The following FTCDNL1 variants were observed in gnomAD, a reference collection of about 807,000 sequenced individuals.
FTCDNL1 encodes the protein formiminotransferase cyclodeaminase N-terminal like.
A neutral mutation model predicts 5.9 loss-of-function variants in FTCDNL1; 11 were observed. That is an observed-to-expected ratio of 1.87 (90% CI 1.18 to 3.10). The LOEUF (loss-of-function observed/expected upper bound fraction) is 3.10, where lower values mean the gene tolerates loss of function less well. Ranked by LOEUF, FTCDNL1 falls within the 30% of genes most tolerant of loss-of-function variation. The pLI is 0.00. For synonymous variants in FTCDNL1, 58 were observed against 24.8 expected (o/e 2.34, Z -3.99); for missense variants, 115 against 65.5 (o/e 1.76, Z -2.61).
At chr2:199,758,415 A>T (rs1472941865), downstream of FTCDNL1, among the ~76,000 whole-genome samples, 1 of 151,566 alleles carries the variant, frequency 6.6e-6, no homozygotes. Flanking sequence ...GATAAAACTC[A>T]TTAGTGGTCA....
chr2:199,731,771 C>G, the FTCDNL1 span, among the ~76,000 whole-genome samples: 1 of 151,414 alleles, frequency 6.6e-6, no homozygotes, highest in East Asian at 1.9e-4. Flanking sequence ...GCCTGTAGTC[C>G]CAGCTACTTG....
At chr2:199,698,602 G>A in the FTCDNL1 span, among the ~76,000 whole-genome samples, 1 of 152,178 alleles carries the variant, frequency 6.6e-6, no homozygotes, top group Non-Finnish European at 1.5e-5. Flanking sequence ...CAACATACCA[G>A]AATCTCTGGG....
At chr2:199,783,982 A>G (rs1699505854) in intron 3 of FTCDNL1, among the ~76,000 whole-genome samples, 1 of 152,156 alleles carries the variant, frequency 6.6e-6, no homozygotes, top group Admixed American at 6.5e-5. Context: ...ATCATTCCAC[A>G]TGTCCCTATT....
At chr2:199,691,265 C>T in the FTCDNL1 span, among the ~76,000 whole-genome samples, 36 of 152,268 alleles carry the variant, frequency 2.4e-4, no homozygotes, top group African/African-American at 6.7e-4. Context: ...CTCCGCCTCC[C>T]GGGTTCAAGT....
At chr2:199,727,580 C>T in the FTCDNL1 span, among the ~76,000 whole-genome samples, 6 of 152,270 alleles carry the variant, frequency 3.9e-5, no homozygotes, top group South Asian at 6.2e-4. Flanking sequence ...CCTCACTTTC[C>T]GTGGGTTGTG....
chr2:199,735,065 G>A, the FTCDNL1 span, among the ~76,000 whole-genome samples: 1 of 125,320 alleles, frequency 8.0e-6, no homozygotes, highest in Non-Finnish European at 1.6e-5. Context: ...CAGAAGACGA[G>A]AATGTTCTTA....
the FTCDNL1 span, among the ~76,000 whole-genome samples, chr2:199,722,260 GT>G: frequency 2.0e-5 from 3 of 152,152 alleles, no homozygotes; most frequent in African/African-American, 7.2e-5. Flanking sequence ...ATAGTTTTGG[GT>G]TTTACATTTA....
chr2:199,774,667 G>T (rs1698974423), intron 3 of FTCDNL1, among the ~76,000 whole-genome samples: 2 of 152,028 alleles, frequency 1.3e-5, no homozygotes, highest in African/African-American at 4.8e-5. Context: ...TCTCAACCAG[G>T]GCATGGCCTT....
the FTCDNL1 span, among the ~76,000 whole-genome samples, chr2:199,737,990 G>T: frequency 2.6e-5 from 4 of 152,198 alleles, no homozygotes; most frequent in African/African-American, 4.8e-5. Context: ...GCTGCCTCAC[G>T]GCACAGGCTC....
At chr2:199,787,586 C>T (rs371766973) in intron 3 of FTCDNL1, among the ~76,000 whole-genome samples, 24 of 152,288 alleles carry the variant, frequency 1.6e-4, no homozygotes, top group African/African-American at 5.3e-4. Context: ...CTACCTACCA[C>T]ATACATGCAA....
chr2:199,843,894 C>G (rs1003102795), intron 3 of FTCDNL1, among the ~76,000 whole-genome samples: 1 of 151,482 alleles, frequency 6.6e-6, no homozygotes, highest in Non-Finnish European at 1.5e-5. Flanking sequence ...GGGCTGAAAT[C>G]ATTCAAGTGG....
chr2:199,678,029 C>A, the FTCDNL1 span, among the ~76,000 whole-genome samples: 176 of 152,276 alleles, frequency 1.2e-3, 3 homozygotes, highest in Non-Finnish European at 8.5e-4. Context: ...TCTAAAGGAA[C>A]TCCTAGGCAT....
the FTCDNL1 span, among the ~76,000 whole-genome samples, chr2:199,714,837 C>T: frequency 6.6e-6 from 1 of 150,412 alleles, no homozygotes; most frequent in African/African-American, 2.5e-5. Flanking sequence ...AGCAAACTAC[C>T]GCAAGGAAAA....
At chr2:199,688,655 C>G in the FTCDNL1 span, among the ~76,000 whole-genome samples, 1 of 152,154 alleles carries the variant, frequency 6.6e-6, no homozygotes, top group Non-Finnish European at 1.5e-5. Flanking sequence ...CCTTAGGGCT[C>G]AACATCCCAG....
intron 3 of FTCDNL1, among the ~76,000 whole-genome samples, chr2:199,771,481 C>T (rs758261942): frequency 1.6e-4 from 25 of 152,236 alleles, no homozygotes; most frequent in Non-Finnish European, 2.5e-4. Context: ...GTTCTTTGAA[C>T]AAGAATTCAT....
At chr2:199,786,534 G>A (rs887699802) in intron 3 of FTCDNL1, among the ~76,000 whole-genome samples, 2 of 152,054 alleles carry the variant, frequency 1.3e-5, no homozygotes, top group African/African-American at 4.8e-5. Flanking sequence ...AATTACTTCA[G>A]ATATTAAAAT....
At chr2:199,806,831 A>AG (rs1700749915), downstream of FTCDNL1, among the ~76,000 whole-genome samples, 1 of 152,196 alleles carries the variant, frequency 6.6e-6, no homozygotes, top group African/African-American at 2.4e-5. Flanking sequence ...CTCTTTTAAG[A>AG]AACTAAAAGT....
intron 3 of FTCDNL1, among the ~76,000 whole-genome samples, chr2:199,780,532 A>G (rs1399980901): frequency 6.6e-6 from 1 of 152,134 alleles, no homozygotes; most frequent in African/African-American, 2.4e-5. Flanking sequence ...AGAGGGATGA[A>G]TTGCCATGCT....
At chr2:199,812,856 G>C (rs1187695117) in intron 4 of FTCDNL1, 132 bp from the exon 5 acceptor site, 3 of 586,078 alleles carry the variant, frequency 5.1e-6, no homozygotes, top group Non-Finnish European at 6.0e-6. Flanking sequence ...AAGAAACTGA[G>C]ATTCAGTCGC....
Sources: allele counts gnomAD v4.1 joint callset (sites outside exome capture counted in the v4.1 genomes callset), GRCh38; gene constraint gnomAD v4.1.1; transcripts MANE v1.5; gene names NCBI Gene and HGNC (gene_info 2026-07-23, HGNC 2026-07-21).